CTNNA2: variants seen among roughly 807,000 people sequenced by gnomAD.
CTNNA2 encodes catenin alpha 2.
In CTNNA2, 42 loss-of-function variants were observed where a neutral mutation model predicts 101.0. The observed-to-expected ratio is 0.42, with a 90% CI of 0.32 to 0.54. The LOEUF is 0.54. CTNNA2 is among the 20% of genes least tolerant of loss of function. The pLI, the probability that CTNNA2 is intolerant of heterozygous loss-of-function variation, is 0.14. For synonymous variants in CTNNA2, 450 were observed against 456.4 expected (o/e 0.99, Z 0.18); for missense variants, 871 against 1,223.1 (o/e 0.71, Z 4.29).
At chr2:79,855,049 A>C (rs1349148454) in intron 3 of CTNNA2, among the ~76,000 whole-genome samples, 1 of 152,190 alleles carries the variant, frequency 6.6e-6, no homozygotes, top group African/African-American at 2.4e-5. Flanking sequence ...ATCAACATGA[A>C]ATCACTTGTA....
intron 8 of CTNNA2, among the ~76,000 whole-genome samples, chr2:80,419,243 C>G (rs986441615): frequency 6.6e-6 from 1 of 152,102 alleles, no homozygotes; most frequent in Admixed American, 6.5e-5. Context: ...ATGTAACTTT[C>G]AAGTTGACAT....
At chr2:80,158,045 G>A (rs1428291126) in intron 7 of CTNNA2, among the ~76,000 whole-genome samples, 4 of 152,156 alleles carry the variant, frequency 2.6e-5, no homozygotes, top group Admixed American at 2.6e-4. Context: ...TGATCAATTA[G>A]GTAAAAAGCA....
At chr2:79,201,903 T>A (rs1368961) in intron 2 of CTNNA2, among the ~76,000 whole-genome samples, 1 of 151,958 alleles carries the variant, frequency 6.6e-6, no homozygotes, top group African/African-American at 2.4e-5. Flanking sequence ...AGGTGATCAG[T>A]GGTACAGTTT....
intron 9 of CTNNA2, among the ~76,000 whole-genome samples, chr2:80,476,411 A>G (rs1685734127): frequency 2.0e-5 from 3 of 152,168 alleles, no homozygotes; most frequent in African/African-American, 7.2e-5. Context: ...AATTTGATAC[A>G]CTAGTTGTAG....
intron 3 of CTNNA2, among the ~76,000 whole-genome samples, chr2:79,319,317 T>C (rs1471331171): frequency 6.6e-6 from 1 of 152,198 alleles, no homozygotes; most frequent in Non-Finnish European, 1.5e-5. Context: ...GTGCATTACC[T>C]AAGGATGGCT....
At chr2:79,918,967 G>A (rs1686460117) in intron 7 of CTNNA2, among the ~76,000 whole-genome samples, 2 of 152,192 alleles carry the variant, frequency 1.3e-5, no homozygotes, top group Non-Finnish European at 1.5e-5. Flanking sequence ...TTGGACATGT[G>A]ATGAAGGAGC....
chr2:79,520,843 G>C (rs1343525228), intron 1 of CTNNA2, among the ~76,000 whole-genome samples: 1 of 152,028 alleles, frequency 6.6e-6, no homozygotes, highest in Non-Finnish European at 1.5e-5. Context: ...TGGAGAGGAT[G>C]TGAAGCAACT....
rs143955275 is a variant in CTNNA2 at position 80,460,522 on chromosome 2, T to C, written c.1290+40921T>C. On this transcript the variant is annotated intron_variant, in intron 9 of 18. Transcript: ENST00000402739. ...TAAACTTATCCCTTTATGTACTATA[T>C]GCAAGGTATATTTCCCTCTTTCTCC... Among the ~76,000 whole-genome samples, 432 of 152,226 alleles carry C rather than the reference T, an allele frequency of 2.8e-3. 1 individual carries two copies. The highest frequency in any genetic ancestry group is 0.01 in the African/African-American group (419 of 41,560).
intron 15 of CTNNA2, among the ~76,000 whole-genome samples, chr2:80,598,497 A>T (rs1697185362): frequency 6.6e-6 from 1 of 152,104 alleles, no homozygotes; most frequent in Non-Finnish European, 1.5e-5. Context: ...CTAAAAAGGG[A>T]TTTACTACAG....
intron 4 of CTNNA2, among the ~76,000 whole-genome samples, chr2:79,864,426 G>T (rs1681870320): frequency 6.6e-6 from 1 of 152,156 alleles, no homozygotes; most frequent in Non-Finnish European, 1.5e-5. Flanking sequence ...GACAGTCTTG[G>T]ATAACATGAT....
intron 4 of CTNNA2, among the ~76,000 whole-genome samples, chr2:79,492,812 C>A (rs1403471008): frequency 6.6e-6 from 1 of 151,990 alleles, no homozygotes; most frequent in Non-Finnish European, 1.5e-5. Context: ...AAATCCTCGC[C>A]AAAATACTGG....
chr2:80,639,769 G>T (rs1003203309), intron 18 of CTNNA2, among the ~76,000 whole-genome samples: 2 of 152,094 alleles, frequency 1.3e-5, no homozygotes, highest in African/African-American at 2.4e-5. Context: ...TGTAAAATCA[G>T]CTGTGGAAAT....
chr2:79,628,622 G>T (rs1679481178), intron 1 of CTNNA2, among the ~76,000 whole-genome samples: 1 of 152,174 alleles, frequency 6.6e-6, no homozygotes, highest in Admixed American at 6.5e-5. Flanking sequence ...CATAGAAGCA[G>T]TTCAGATGAT....
intron 9 of CTNNA2, among the ~76,000 whole-genome samples, chr2:80,529,410 A>C (rs528534375): frequency 1.3e-5 from 2 of 152,206 alleles, no homozygotes; most frequent in Non-Finnish European, 2.9e-5. Flanking sequence ...GTTGTGAAAT[A>C]ATAGGTATTA....
chr2:79,461,002 C>T (rs924556762), intron 4 of CTNNA2, among the ~76,000 whole-genome samples: 1 of 148,030 alleles, frequency 6.8e-6, no homozygotes, highest in African/African-American at 2.5e-5. Flanking sequence ...CCACCACGCC[C>T]AGCTAATTTT....
At chr2:79,625,285 G>A (rs1202831828) in intron 1 of CTNNA2, among the ~76,000 whole-genome samples, 1 of 152,086 alleles carries the variant, frequency 6.6e-6, no homozygotes, top group Admixed American at 6.6e-5. Context: ...ATGAATTAAT[G>A]GTGATATGAT....
At chr2:79,416,934 T>G (rs896939082) in intron 4 of CTNNA2, among the ~76,000 whole-genome samples, 2 of 152,144 alleles carry the variant, frequency 1.3e-5, no homozygotes, top group African/African-American at 2.4e-5. Context: ...CATGGCACAT[T>G]AGCAAACATG....
intron 5 of CTNNA2, 46 bp from the exon 6 acceptor site, chr2:79,874,030 A>G (rs756922242): frequency 3.1e-6 from 5 of 1,602,522 alleles, no homozygotes; most frequent in Non-Finnish European, 4.3e-6. Context: ...AAATATTTCT[A>G]TGCAAATTTC....
At chr2:79,814,638 C>CACACACACATATAT (rs145584853) in intron 3 of CTNNA2, among the ~76,000 whole-genome samples, 5 of 146,960 alleles carry the variant, frequency 3.4e-5, no homozygotes, top group African/African-American at 1.3e-4. Context: ...CACACACACA[C>CACACACACATATAT]ATATATATAT....
Sources: allele counts gnomAD v4.1 joint callset (sites outside exome capture counted in the v4.1 genomes callset), GRCh38; gene constraint gnomAD v4.1.1; transcripts MANE v1.5; gene names NCBI Gene and HGNC (gene_info 2026-07-23, HGNC 2026-07-21).